MAP4K2: variants seen among roughly 807,000 people sequenced by gnomAD.
MAP4K2 encodes the protein mitogen-activated protein kinase kinase kinase kinase 2.
MAP4K2 carries 85 observed loss-of-function variants against 125.3 expected under a neutral mutation model. The observed-to-expected ratio is 0.68, with a 90% CI of 0.57 to 0.81. MAP4K2 has a LOEUF of 0.81. Ranked by LOEUF, MAP4K2 falls within the 40% of genes least tolerant of loss-of-function variation. The probability of loss-of-function intolerance (pLI) is 0.00; values close to 1 mark genes in which losing one functional copy is unlikely to be tolerated. For missense variants in MAP4K2, 923 were observed against 1,056.4 expected, an observed-to-expected ratio of 0.87 and a Z score of 1.75; for synonymous variants, 479 against 445.1, an observed-to-expected ratio of 1.08 and a Z score of -0.96.
rs748322276 is a variant in MAP4K2 at position 64,796,834 on chromosome 11, G to T, written c.1467C>A (p.Val489=). The T allele has an allele frequency of 1.2e-6, 2 of 1,613,668 alleles. No homozygotes were observed. The highest frequency in any genetic ancestry group is 1.7e-6 in the Non-Finnish European group (2 of 1,180,048). The part of the protein sequence containing the change: ...NGCPLRIHAA[V]TWIHPVTRDQ... ...CCCGAGTAACAGGGTGAATCCAGGT[G>T]ACAGCAGCGTGGATCCGCAGGGGGC... Residue 489 remains valine (V), a synonymous_variant, in exon 21 of 32, where the codon GTC becomes GTA. Coordinates refer to ENST00000294066, the MANE Select transcript of MAP4K2 (RefSeq NM_004579.5).
In MAP4K2 at chr11:64,801,067, C is replaced by A. The variant is rs750903468; in HGVS notation, c.531-36G>T. 4.3e-6 allele frequency: 7 copies of A among 1,613,692 alleles called. 1 individual carries two copies. In the South Asian group the frequency reaches 7.7e-5, roughly 18 times the overall value. ...GGTCACAGATGGGATGGCCGGGTGCCCTGCTCTGTGGCCCCTACCCCTCCG... is the reference window on the plus strand; with the variant it reads ...GGTCACAGATGGGATGGCCGGGTGCACTGCTCTGTGGCCCCTACCCCTCCG... On this transcript the variant is annotated intron_variant, in intron 8 of 31. Coordinates refer to ENST00000294066, the MANE Select transcript of MAP4K2 (RefSeq NM_004579.5).
chr11:64,799,280 C>G (rs1941014463), intron 14 of MAP4K2, 141 bp downstream of exon 14: 2 of 981,058 alleles, frequency 2.0e-6, no homozygotes, highest in Admixed American at 2.4e-5. Context: ...CTGGGTAGGA[C>G]AGGCTTGCTT....
At chr11:64,800,469 C>A in intron 10 of MAP4K2, 77 bp from the exon 11 acceptor site, 3 of 1,513,054 alleles carry the variant, frequency 2.0e-6, no homozygotes, top group Admixed American at 1.7e-5. Context: ...TGCCCTACCA[C>A]CCCTCCAGAG....
intron 27 of MAP4K2, among the ~76,000 whole-genome samples, chr11:64,790,919 T>C (rs930263158): frequency 2.0e-5 from 3 of 152,154 alleles, no homozygotes; most frequent in Non-Finnish European, 4.4e-5. Flanking sequence ...GTGGATCACC[T>C]GAGATCAGGT....
chr11:64,796,651 C>T lies in MAP4K2; in HGVS notation c.1555G>A (p.Glu519Lys). The T allele has an allele frequency of 6.2e-7, 1 of 1,614,134 alleles. No individual in the cohort carries two copies. The highest frequency in any genetic ancestry group is 8.5e-7 in the Non-Finnish European group (1 of 1,180,044). Residue 519 changes from glutamate to lysine, a missense_variant, in exon 22 of 32, where the codon GAG becomes AAG. Glu to Lys is a moderately conservative substitution (Grantham distance 56). Around this residue, in one of 2 missense-constraint regions of MAP4K2, gnomAD observed 833 missense variants for 911.4 expected, o/e 0.91. Coordinates refer to ENST00000294066, the MANE Select transcript of MAP4K2 (RefSeq NM_004579.5). ...IYTLNLHELHEDTLEKLISHR... is the reference protein window; with the variant it reads ...IYTLNLHELHKDTLEKLISHR... ...GGCCTCACCTTCTCCAGCGTATCCT[C>T]ATGCAGTTCATGCAGGTTGAGTGTG... is the stretch of plus-strand genomic sequence containing the variant.
At chr11:64,792,915 G>C (rs977566077) in intron 24 of MAP4K2, among the ~76,000 whole-genome samples, 2 of 152,078 alleles carry the variant, frequency 1.3e-5, no homozygotes, top group African/African-American at 4.8e-5. Context: ...GGTAAAGGCA[G>C]GGTATAAAGA....
chr11:64,799,304 C>T, intron 14 of MAP4K2, 117 bp downstream of exon 14: 3 of 1,296,614 alleles, frequency 2.3e-6, no homozygotes, highest in East Asian at 2.3e-5. Flanking sequence ...CAGTCTAAGG[C>T]CCAAGGCCCG....
At chr11:64,795,961 C>G (rs1025119411) in intron 24 of MAP4K2, among the ~76,000 whole-genome samples, 8 of 152,174 alleles carry the variant, frequency 5.3e-5, no homozygotes, top group South Asian at 2.1e-4. Context: ...CTCCATGTCC[C>G]GAAGCCCAGC....
rs773577132 is a variant in MAP4K2 at position 64,789,629 on chromosome 11, A to G, written c.2376-5T>C. 2.5e-6 allele frequency: 4 copies of G among 1,610,430 alleles called. No homozygotes were observed. The South Asian group carries it at 4.4e-5, about 18-fold the overall frequency. On this transcript the variant is annotated splice_region_variant and splice_polypyrimidine_tract_variant and intron_variant, in intron 31 of 31. Coordinates refer to ENST00000294066, the MANE Select transcript of MAP4K2 (RefSeq NM_004579.5). ...ATGCTCTCCAGGATGATGTCTCTGGAGGAGAGAGGAGTAGGGGGCAGGGCG... is the reference window on the plus strand; with the variant it reads ...ATGCTCTCCAGGATGATGTCTCTGGGGGAGAGAGGAGTAGGGGGCAGGGCG...
chr11:64,803,004 G>T (rs762557764), intron 1 of MAP4K2, 50 bp downstream of exon 1: 1 of 1,575,000 alleles, frequency 6.3e-7, no homozygotes, highest in South Asian at 1.1e-5. Context: ...CCTGCCGCGG[G>T]GTGCGGGGCT....
chr11:64,786,011 T>C lies in MAP4K2; in HGVS notation c.*3526A>G, dbSNP rs1027368185. 1.3e-5 allele frequency: 2 copies of C among 152,186 alleles called. No individual in the cohort carries two copies. The highest frequency in any genetic ancestry group is 2.4e-5 in the African/African-American group (1 of 41,458). The allele number at this position is 152,186 out of a possible 1,614,324, so 9.4% of individuals were successfully genotyped here. On this transcript the variant is annotated 3_prime_UTR_variant, in exon 32 of 32. Coordinates refer to ENST00000294066, the MANE Select transcript of MAP4K2 (RefSeq NM_004579.5). ...ACCACCAAACCTGAGAGCTAAGATA[T>C]TACCAATACCTTTAAAAATTCCTGG...
At chr11:64,800,638 A>G in intron 10 of MAP4K2, 126 bp downstream of exon 10, 4 of 1,331,320 alleles carry the variant, frequency 3.0e-6, no homozygotes, top group Non-Finnish European at 4.1e-6. Context: ...CCCCTGACTC[A>G]GATGGTCTGT....
intron 13 of MAP4K2, 58 bp from the exon 14 acceptor site, chr11:64,799,537 C>G: frequency 1.2e-6 from 2 of 1,612,436 alleles, no homozygotes; most frequent in South Asian, 1.1e-5. Flanking sequence ...GACCTCTACT[C>G]ACACCAAATC....
At chr11:64,790,585 T>G in intron 27 of MAP4K2, 123 bp from the exon 28 acceptor site, 1 of 857,816 alleles carries the variant, frequency 1.2e-6, no homozygotes, top group South Asian at 1.5e-5. Context: ...ACAACAGCCC[T>G]GTGGGGCTGG....
chr11:64,796,043 C>T (rs1592589445), intron 24 of MAP4K2, among the ~76,000 whole-genome samples: 1 of 152,242 alleles, frequency 6.6e-6, no homozygotes, highest in Admixed American at 6.5e-5. Context: ...CGAACAACCA[C>T]AGCTCCTACA....
At position 64,802,416 on chromosome 11, in the gene MAP4K2, C is replaced by G; in HGVS notation, c.310+3G>C. On this transcript the variant is annotated splice_donor_region_variant and intron_variant, in intron 4 of 31. Coordinates refer to ENST00000294066, the MANE Select transcript of MAP4K2 (RefSeq NM_004579.5). ...CTGCTGGGGCCTGGAGCCCTGGCCT[C>G]ACCATGGTAAATCTCCTGCAGGGAG... is the stretch of plus-strand genomic sequence containing the variant. 6.7e-7 allele frequency: 1 copy of G among 1,492,070 alleles called. No individual in the cohort carries two copies. Among genetic ancestry groups the G allele is most frequent in the South Asian group, 1.4e-5 (1 of 73,310 alleles). 92.4% of individuals were successfully genotyped at this position (1,492,070 alleles called of 1,614,324 possible).
rs780972783 is a variant in MAP4K2, at chr11:64,796,568, G to A, written c.1573-15C>T. ...TGTGAAATCAGCTGGAGGCCACAGA[G>A]GGACAGATGGTCAGCACCCCAGGCC... is the stretch of plus-strand genomic sequence containing the variant. On this transcript the variant is annotated splice_polypyrimidine_tract_variant and intron_variant, in intron 22 of 31. Coordinates refer to ENST00000294066, the MANE Select transcript of MAP4K2 (RefSeq NM_004579.5). 2 of 1,613,944 alleles carry A rather than the reference G, an allele frequency of 1.2e-6. No individual in the cohort carries two copies. The highest frequency in any genetic ancestry group is 2.2e-5 in the South Asian group (2 of 91,086).
chr11:64,785,602 CTTTTT>C lies in MAP4K2; in HGVS notation c.*3930_*3934del, dbSNP rs1940185368. On this transcript the variant is annotated 3_prime_UTR_variant, in exon 32 of 32. Coordinates refer to ENST00000294066, the MANE Select transcript of MAP4K2 (RefSeq NM_004579.5). ...AAATTTTTTTCCTTTTTTTTTTTTT[CTTTTT>C]GAGACAGGTTCTCACTCTGTCACCC... 2 of 119,416 alleles carry C rather than the reference CTTTTT, an allele frequency of 1.7e-5. No individual in the cohort carries two copies. Among genetic ancestry groups the C allele is most frequent in the Admixed American group, 8.3e-5 (1 of 12,010 alleles). 7.4% of individuals were successfully genotyped at this position (119,416 alleles called of 1,614,324 possible).
chr11:64,790,098 C>T (rs1183382879), intron 29 of MAP4K2, 90 bp downstream of exon 29: 4 of 1,539,208 alleles, frequency 2.6e-6, no homozygotes, highest in Non-Finnish European at 3.6e-6. Context: ...AGGGGATCTG[C>T]CTCCTCATCC....
Sources: gnomAD v4.1 joint callset for allele counts (sites outside exome capture counted in the v4.1 genomes callset) on GRCh38, gnomAD v4.1.1 for gene constraint, gnomAD v4.1.1 regional missense constraint, MANE v1.5 for transcripts, NCBI Gene and HGNC (gene_info 2026-07-23, HGNC 2026-07-21) for gene names.